Variants in THNSL1 observed in about 807,000 individuals in gnomAD.
THNSL1 encodes threonine synthase-like 1.
THNSL1 carries 48 observed loss-of-function variants against 50.4 expected under a neutral mutation model. The observed-to-expected ratio is 0.95, with a 90% CI of 0.76 to 1.21. The LOEUF (loss-of-function observed/expected upper bound fraction) is 1.21. THNSL1 is among the 50% of genes most tolerant of loss of function. The probability of loss-of-function intolerance (pLI) is 0.00; values close to 1 mark genes in which losing one functional copy is unlikely to be tolerated. For missense variants in THNSL1, 896 were observed against 871.7 expected, an observed-to-expected ratio of 1.03 and a Z score of -0.35; for synonymous variants, 309 against 306.1, an observed-to-expected ratio of 1.01 and a Z score of -0.10.
the THNSL1 span, chr10:24,982,260 T>C: frequency 1.6e-3 from 251 of 152,254 alleles, 4 homozygotes; most frequent in African/African-American, 5.9e-3. Flanking sequence ...CAGGCAGCTA[T>C]GTAGGATGAG....
At chr10:24,958,250 T>G in the THNSL1 span, among the ~76,000 whole-genome samples, 6 of 152,194 alleles carry the variant, frequency 3.9e-5, no homozygotes, top group Non-Finnish European at 7.3e-5. Flanking sequence ...CATCTGAAAC[T>G]TAGTGACTCA....
the THNSL1 span, among the ~76,000 whole-genome samples, chr10:24,993,298 C>T: frequency 1.3e-5 from 2 of 152,172 alleles, no homozygotes; most frequent in African/African-American, 4.8e-5. Context: ...ATACTATTCA[C>T]TCTTTGTTCT....
At chr10:24,978,231 G>T in the THNSL1 span, among the ~76,000 whole-genome samples, 2 of 151,882 alleles carry the variant, frequency 1.3e-5, no homozygotes, top group African/African-American at 4.8e-5. Flanking sequence ...ACAAAAAAAT[G>T]CTATTCCCTT....
At chr10:24,961,788 T>G in the THNSL1 span, among the ~76,000 whole-genome samples, 2 of 152,220 alleles carry the variant, frequency 1.3e-5, 1 homozygote, top group South Asian at 4.1e-4. Context: ...ATGAAAAGTT[T>G]ATGGTGCTGT....
intron 1 of THNSL1, among the ~76,000 whole-genome samples, chr10:25,018,429 G>T (rs1436231077): frequency 1.3e-5 from 2 of 152,176 alleles, no homozygotes. Context: ...GCCTTTTTAG[G>T]CCAAGTGGTT....
chr10:24,996,225 C>T, the THNSL1 span, among the ~76,000 whole-genome samples: 2 of 152,184 alleles, frequency 1.3e-5, no homozygotes, highest in Non-Finnish European at 2.9e-5. Context: ...GAGTCTGAGA[C>T]CAGTCTCGGC....
the THNSL1 span, among the ~76,000 whole-genome samples, chr10:24,954,786 G>A: frequency 9.3e-3 from 1,412 of 152,110 alleles, 69 homozygotes; most frequent in Admixed American, 0.073. Flanking sequence ...ATTACACTTC[G>A]ATACTTTGGA....
chr10:25,025,483 A>T lies in THNSL1; in HGVS notation c.*28A>T, dbSNP rs1181802491. On this transcript the variant is annotated 3_prime_UTR_variant, in exon 3 of 3. Coordinates refer to ENST00000376356, the MANE Select transcript of THNSL1 (RefSeq NM_024838.5). ...GCTTTCAGAGTAAATTTTTTTTTCTAGCTATAAGCATGCAATAATAAATCT... is the reference window on the plus strand; with the variant it reads ...GCTTTCAGAGTAAATTTTTTTTTCTTGCTATAAGCATGCAATAATAAATCT... 6.4e-7 allele frequency: 1 copy of T among 1,564,776 alleles called. No homozygotes were observed. Among genetic ancestry groups the T allele is most frequent in the African/African-American group, 1.4e-5 (1 of 72,812 alleles).
rs1228185949 is a variant in THNSL1, at chr10:25,024,249, G to T, written c.1026G>T (p.Leu342Phe). The change falls in exon 3 of 3, where the codon TTG (leucine) becomes TTT (phenylalanine). Residue 342 changes from leucine to phenylalanine, a missense_variant. Physicochemically the swap from Leu to Phe is conservative, Grantham distance 22. Transcript: ENST00000376356. ...HLSGNQFILE[L>F]FHGPTGSFKD... ...CAGGCAACCAGTTCATCCTGGAGTT[G>T]TTTCATGGACCAACAGGATCATTTA... is the stretch of plus-strand genomic sequence containing the variant. 6.2e-7 allele frequency: 1 copy of T among 1,614,180 alleles called. No homozygotes were observed. Among genetic ancestry groups the T allele is most frequent in the Non-Finnish European group, 8.5e-7 (1 of 1,180,028 alleles).
chr10:24,983,202 A>G, the THNSL1 span: 4 of 152,124 alleles, frequency 2.6e-5, no homozygotes, highest in African/African-American at 9.7e-5. Context: ...TATCTTTATC[A>G]GGAAACTGAG....
chr10:24,975,321 T>C, the THNSL1 span, among the ~76,000 whole-genome samples: 1 of 152,198 alleles, frequency 6.6e-6, no homozygotes, highest in African/African-American at 2.4e-5. Flanking sequence ...AGCTGCTGGG[T>C]CCTTCTGTTT....
At chr10:24,991,730 T>A in the THNSL1 span, among the ~76,000 whole-genome samples, 1 of 152,200 alleles carries the variant, frequency 6.6e-6, no homozygotes, top group Non-Finnish European at 1.5e-5. Context: ...TCTTCAAGTA[T>A]ACCAAGGCAA....
At position 25,023,927 on chromosome 10, in the gene THNSL1, G is replaced by A; in HGVS notation, c.704G>A (p.Arg235Lys). The change falls in exon 3 of 3, where the codon AGA becomes AAA. Residue 235 changes from arginine (R) to lysine (K), a missense_variant. Physicochemically the swap from Arg to Lys is conservative, Grantham distance 26. Coordinates refer to ENST00000376356, the MANE Select transcript of THNSL1 (RefSeq NM_024838.5). ...DVDSETFIST[R>K]HVWPEDCEQK... ...GACTCGGAAACATTCATTTCAACAA[G>A]ACACGTTTGGCCTGAAGACTGTGAA... The A allele has an allele frequency of 1.2e-6, 2 of 1,614,130 alleles. No individual in the cohort carries two copies. The highest frequency in any genetic ancestry group is 1.7e-6 in the Non-Finnish European group (2 of 1,180,018).
chr10:24,996,336 T>G, the THNSL1 span, among the ~76,000 whole-genome samples: 9 of 152,206 alleles, frequency 5.9e-5, no homozygotes, highest in East Asian at 1.7e-3. Flanking sequence ...GTGGGAGGAT[T>G]GCTTCAGCCT....
At chr10:24,973,598 T>C in the THNSL1 span, among the ~76,000 whole-genome samples, 4 of 152,120 alleles carry the variant, frequency 2.6e-5, no homozygotes, top group Admixed American at 6.5e-5. Flanking sequence ...AATCTTTTTA[T>C]GAGAATACAT....
the THNSL1 span, among the ~76,000 whole-genome samples, chr10:24,991,241 C>T: frequency 6.6e-6 from 1 of 151,928 alleles, no homozygotes; most frequent in Non-Finnish European, 1.5e-5. Flanking sequence ...CCTGAAATAT[C>T]TTGAATAAGA....
intron 1 of THNSL1, among the ~76,000 whole-genome samples, chr10:25,020,316 T>G (rs1271558015): frequency 6.8e-6 from 1 of 146,762 alleles, no homozygotes; most frequent in Non-Finnish European, 1.5e-5. Flanking sequence ...GGAAGTGAAG[T>G]AAAATTTAAA....
chr10:24,989,853 G>A, the THNSL1 span, among the ~76,000 whole-genome samples: 6 of 152,140 alleles, frequency 3.9e-5, no homozygotes, highest in South Asian at 2.1e-4. Flanking sequence ...TTAATTAAAC[G>A]CTCATACAAA....
chr10:25,005,664 A>C, the THNSL1 span, among the ~76,000 whole-genome samples: 1 of 152,222 alleles, frequency 6.6e-6, no homozygotes. Context: ...CCACCTACAG[A>C]CTTGAAATGA....
Sources: gnomAD v4.1 joint callset for allele counts (sites outside exome capture counted in the v4.1 genomes callset) on GRCh38, gnomAD v4.1.1 for gene constraint, MANE v1.5 for transcripts, NCBI Gene and HGNC (gene_info 2026-07-23, HGNC 2026-07-21) for gene names.